SPAG17: variants seen among roughly 807,000 people sequenced by gnomAD.
The protein encoded by SPAG17 is sperm associated antigen 17.
In SPAG17, 169 loss-of-function variants were observed where a neutral mutation model predicts 273.6. The observed-to-expected ratio is 0.62, with a 90% CI of 0.55 to 0.70. The LOEUF (loss-of-function observed/expected upper bound fraction) is 0.70, where lower values mean the gene tolerates loss of function less well. SPAG17 is among the 30% of genes least tolerant of loss of function. The pLI is 0.00. For synonymous variants in SPAG17, 825 were observed against 873.2 expected, an observed-to-expected ratio of 0.94 and a Z score of 0.97; for missense variants, 2,557 against 2,627.8, an observed-to-expected ratio of 0.97 and a Z score of 0.59.
chr1:118,054,214 T>C (rs1651394478), intron 19 of SPAG17, 121 bp from the exon 20 acceptor site: 2 of 636,410 alleles, frequency 3.1e-6, no homozygotes, highest in Non-Finnish European at 5.3e-6. Flanking sequence ...TTTATTTATC[T>C]CTGGTTTTTT....
At chr1:118,112,189 G>A (rs1656802349) in intron 4 of SPAG17, among the ~76,000 whole-genome samples, 1 of 151,460 alleles carries the variant, frequency 6.6e-6, no homozygotes, top group African/African-American at 2.4e-5. Context: ...GTTCAAAATT[G>A]TCTTGACTTT....
intron 42 of SPAG17, among the ~76,000 whole-genome samples, chr1:117,981,999 G>A (rs1298958404): frequency 2.0e-5 from 3 of 152,128 alleles, no homozygotes; most frequent in Non-Finnish European, 2.9e-5. Context: ...CATTTCAAGA[G>A]GAGAATAAGC....
Position 117,981,396 on chromosome 1 carries a change from TGAAA to T in SPAG17, c.5874_5877del (p.Asp1958GlufsTer38). The stretch of plus-strand genomic sequence containing the variant: ...TTCTGTTCTGAAACCTTATGTGGCT[TGAAA>T]TCTAGAAAACCCAAAATGAACCTTA... On this transcript the variant is annotated frameshift_variant and splice_region_variant, in exon 43 of 49. Transcript: ENST00000336338. LOFTEE classifies it high-confidence loss of function. 6.3e-7 allele frequency: 1 copy of T among 1,592,328 alleles called. No homozygotes were observed. The highest frequency in any genetic ancestry group is 8.5e-7 in the Non-Finnish European group (1 of 1,174,962).
In SPAG17 at chr1:118,101,789, G is replaced by A. The variant is rs1471672340; in HGVS notation, c.585C>T (p.Thr195=). 2 of 1,613,852 alleles carry A rather than the reference G, an allele frequency of 1.2e-6. No individual in the cohort carries two copies. The highest frequency in any genetic ancestry group is 1.7e-6 in the Non-Finnish European group (2 of 1,179,950). Residue 195 remains threonine (T), a synonymous_variant, in exon 5 of 49, where the codon ACC becomes ACT. Transcript: ENST00000336338. Reference sequence around the variant, plus strand: ...CTTCTCCTCTCCGCTTTAACTGGGTGGTCTTTTTCACTGGTGCATTTGCCT... The same window carrying A: ...CTTCTCCTCTCCGCTTTAACTGGGTAGTCTTTTTCACTGGTGCATTTGCCT... The part of the protein sequence containing the change: ...QPEANAPVKK[T]TQLKRRGEDD...
intron 38 of SPAG17, among the ~76,000 whole-genome samples, chr1:117,988,531 A>C (rs1656702695): frequency 6.6e-6 from 1 of 152,196 alleles, no homozygotes; most frequent in Non-Finnish European, 1.5e-5. Context: ...ATTAACCATA[A>C]CATTGAAATT....
At chr1:118,020,649 T>A (rs904731069) in intron 28 of SPAG17, among the ~76,000 whole-genome samples, 4 of 152,102 alleles carry the variant, frequency 2.6e-5, no homozygotes, top group African/African-American at 9.7e-5. Context: ...ACCAAAGAGA[T>A]TATTCTAGCT....
chr1:118,109,840 AAATTTG>A (rs1435811751), intron 4 of SPAG17, among the ~76,000 whole-genome samples: 1 of 152,124 alleles, frequency 6.6e-6, no homozygotes, highest in Non-Finnish European at 1.5e-5. Flanking sequence ...AAGATCACAT[AAATTTG>A]AGAGACCGTA....
intron 6 of SPAG17, among the ~76,000 whole-genome samples, 157 bp from the exon 7 acceptor site, chr1:118,098,008 T>G (rs1020986834): frequency 2.0e-5 from 3 of 152,194 alleles, no homozygotes; most frequent in African/African-American, 7.2e-5. Flanking sequence ...GAAGTCGGAG[T>G]ATACAATTGT....
chr1:117,955,319 C>T (rs1453018800), intron 48 of SPAG17: 2 of 1,611,148 alleles, frequency 1.2e-6, no homozygotes, highest in Admixed American at 1.7e-5. Context: ...TTATAGCCTT[C>T]AGCTTATGTA....
At chr1:118,039,704 G>T (rs896457239) in intron 22 of SPAG17, among the ~76,000 whole-genome samples, 1 of 152,050 alleles carries the variant, frequency 6.6e-6, no homozygotes, top group African/African-American at 2.4e-5. Context: ...TATTACCTAG[G>T]TGATAAAATA....
intron 28 of SPAG17, among the ~76,000 whole-genome samples, chr1:118,018,098 G>C (rs946431970): frequency 4.6e-5 from 7 of 152,234 alleles, no homozygotes; most frequent in Non-Finnish European, 1.0e-4. Context: ...TAGCTCTGAA[G>C]TTGGATTTTG....
At chr1:117,963,523 T>C in intron 48 of SPAG17, 1 of 187,828 alleles carries the variant, frequency 5.3e-6, no homozygotes, top group South Asian at 1.3e-4. Flanking sequence ...GCCACCACAC[T>C]TGGCTGATTT....
chr1:117,970,070 A>C lies in SPAG17; in HGVS notation c.6373T>G (p.Tyr2125Asp). Residue 2125 changes from tyrosine to aspartate, a missense_variant, in exon 46 of 49, where the codon TAC becomes GAC. Physicochemically the swap from Tyr to Asp is radical, Grantham distance 160. Transcript: ENST00000336338. ...PPPSTGLKVT[Y>D]KPGPVAAGMQ... Reference sequence around the variant, plus strand: ...ATAGGACTTACAGGTCCAGGTTTGTAAGTCACTTTCAGTCCTGTGCTGGGT... The same window carrying C: ...ATAGGACTTACAGGTCCAGGTTTGTCAGTCACTTTCAGTCCTGTGCTGGGT... 6.2e-7 allele frequency: 1 copy of C among 1,613,798 alleles called. No individual in the cohort carries two copies. Among genetic ancestry groups the C allele is most frequent in the Non-Finnish European group, 8.5e-7 (1 of 1,179,850 alleles).
intron 3 of SPAG17, among the ~76,000 whole-genome samples, chr1:118,122,438 C>G (rs143845774): frequency 6.6e-6 from 1 of 152,148 alleles, no homozygotes. Flanking sequence ...AGTCTTCCCA[C>G]GTAACACTGC....
chr1:117,963,813 CTT>C lies in SPAG17; in HGVS notation c.6656_6657del (p.Lys2219SerfsTer24), dbSNP rs1432292553. ...ACTTACTGTACCTAATGTGGAGAAACTTTACGAGACATGAAGACTCCAAGTGT... is the reference window on the plus strand; with the variant it reads ...ACTTACTGTACCTAATGTGGAGAAACTACGAGACATGAAGACTCCAAGTGT... The part of the protein sequence containing the change: ...SSTLGVFMSR[K>X]VSPH On this transcript the variant is annotated frameshift_variant, in exon 48 of 49. Coordinates refer to ENST00000336338, the MANE Select transcript of SPAG17 (RefSeq NM_206996.4). LOFTEE classifies it high-confidence loss of function. The C allele has an allele frequency of 2.5e-6, 4 of 1,612,496 alleles. No homozygotes were observed. The highest frequency in any genetic ancestry group is 3.4e-6 in the Non-Finnish European group (4 of 1,179,250).
chr1:117,995,102 G>A (rs760162521), intron 34 of SPAG17, among the ~76,000 whole-genome samples: 5 of 151,902 alleles, frequency 3.3e-5, no homozygotes, highest in South Asian at 2.1e-4. Context: ...CCCCCAACCC[G>A]TGTTTTCCAA....
intron 40 of SPAG17, 50 bp downstream of exon 40, chr1:117,987,784 A>C: frequency 6.3e-7 from 1 of 1,593,464 alleles, no homozygotes; most frequent in Admixed American, 1.7e-5. Flanking sequence ...TTCTCAGTCT[A>C]TTACTCTGGG....
chr1:118,181,059 CAATTT>C (rs199640652), intron 1 of SPAG17, among the ~76,000 whole-genome samples: 3,747 of 151,920 alleles, frequency 0.025, 71 homozygotes, highest in Middle Eastern at 0.068. Context: ...AAGTTAGTAT[CAATTT>C]AAGACAGATT....
intron 4 of SPAG17, among the ~76,000 whole-genome samples, chr1:118,109,876 T>C (rs760047772): frequency 6.6e-6 from 1 of 152,128 alleles, no homozygotes; most frequent in Non-Finnish European, 1.5e-5. Flanking sequence ...ATATTAAATA[T>C]AGTGGTTTTC....
Sources: gnomAD v4.1 joint callset for allele counts (sites outside exome capture counted in the v4.1 genomes callset) on GRCh38, gnomAD v4.1.1 for gene constraint, MANE v1.5 for transcripts, NCBI Gene and HGNC (gene_info 2026-07-23, HGNC 2026-07-21) for gene names.